The following TMEM132D variants were observed in gnomAD, a reference collection of about 807,000 sequenced individuals.
TMEM132D encodes transmembrane protein 132D.
A neutral mutation model predicts 62.3 loss-of-function variants in TMEM132D; 21 were observed. That is an observed-to-expected ratio of 0.34 (90% CI 0.24 to 0.49). The LOEUF (loss-of-function observed/expected upper bound fraction) is 0.49, where lower values mean the gene tolerates loss of function less well. Among genes scored for constraint, TMEM132D ranks in the 20% least tolerant of loss-of-function variants. The pLI is 0.99. For missense variants in TMEM132D, 1,346 were observed against 1,402.8 expected, an observed-to-expected ratio of 0.96 and a Z score of 0.65; for synonymous variants, 621 against 575.6, an observed-to-expected ratio of 1.08 and a Z score of -1.13.
At chr12:129,585,037 T>A (rs1565912923) in intron 2 of TMEM132D, among the ~76,000 whole-genome samples, 1 of 152,116 alleles carries the variant, frequency 6.6e-6, no homozygotes, top group Non-Finnish European at 1.5e-5. Context: ...ATCACTGAGG[T>A]ATGGATTTGA....
At chr12:129,084,151 C>T (rs993798502) in intron 6 of TMEM132D, among the ~76,000 whole-genome samples, 11 of 152,110 alleles carry the variant, frequency 7.2e-5, no homozygotes, top group African/African-American at 2.4e-4. Flanking sequence ...GTGGGGAGTC[C>T]AGCCAGCCAC....
chr12:129,691,921 G>A (rs1013676308), intron 2 of TMEM132D, among the ~76,000 whole-genome samples: 4 of 151,824 alleles, frequency 2.6e-5, no homozygotes, highest in East Asian at 1.9e-4. Context: ...AAAGAAATAC[G>A]TAGCATGAAT....
chr12:129,275,301 A>G (rs938825214), intron 4 of TMEM132D, among the ~76,000 whole-genome samples: 2 of 152,120 alleles, frequency 1.3e-5, no homozygotes, highest in Non-Finnish European at 2.9e-5. Context: ...AAAATAAAAT[A>G]AAATAATAAT....
chr12:129,815,553 A>G (rs1872320824), intron 1 of TMEM132D, among the ~76,000 whole-genome samples: 2 of 152,206 alleles, frequency 1.3e-5, no homozygotes, highest in African/African-American at 4.8e-5. Flanking sequence ...CTAGAACACC[A>G]TCTAGCCGAT....
chr12:129,641,047 T>G (rs1210307500), intron 2 of TMEM132D, among the ~76,000 whole-genome samples: 3 of 152,188 alleles, frequency 2.0e-5, no homozygotes, highest in Non-Finnish European at 4.4e-5. Context: ...GTGAGTTGTA[T>G]AATTATTTCA....
chr12:129,744,741 C>T (rs530013763), intron 1 of TMEM132D, among the ~76,000 whole-genome samples: 30 of 152,166 alleles, frequency 2.0e-4, no homozygotes, highest in Admixed American at 1.5e-3. Flanking sequence ...CCTGAGCAAA[C>T]GCAAATGAGT....
rs117292494 is a variant in TMEM132D at position 129,453,501 on chromosome 12, T to C, written c.1115+77558A>G. ...GCTACAAATGATGGAAACCTCACACTCTCTGAAGTCAAAAAAGTAATTTAT... is the reference window on the plus strand; with the variant it reads ...GCTACAAATGATGGAAACCTCACACCCTCTGAAGTCAAAAAAGTAATTTAT... On this transcript the variant is annotated intron_variant, in intron 3 of 8. Coordinates refer to ENST00000422113, the MANE Select transcript of TMEM132D (RefSeq NM_133448.3). Among the ~76,000 whole-genome samples, 1,516 of 152,294 alleles carry C rather than the reference T, an allele frequency of 1.0e-2. 15 individuals are homozygous for C. The highest frequency in any genetic ancestry group is 0.019 in the Admixed American group (286 of 15,298).
Position 129,903,906 on chromosome 12 carries a change from C to A in TMEM132D, c.-567G>T, listed in dbSNP as rs867669682. On this transcript the variant is annotated 5_prime_UTR_variant, in exon 1 of 9. Transcript: ENST00000422113. This position sits in a 1 kb window ranked among gnomAD's most constrained non-coding sequence, Gnocchi z 6.2. ...CGGCCGCTGCGCCTCGGGGCTCGGG[C>A]GCGCGCGCGCTCCGGCACCCAAAGT... is the stretch of plus-strand genomic sequence containing the variant. Among the ~76,000 whole-genome samples, 1,335 of 147,016 alleles carry A rather than the reference C, an allele frequency of 9.1e-3. 14 individuals carry two copies. The highest frequency in any genetic ancestry group is 0.031 in the African/African-American group (1,261 of 40,982).
At chr12:129,802,760 C>T (rs1236603954) in intron 1 of TMEM132D, among the ~76,000 whole-genome samples, 1 of 151,456 alleles carries the variant, frequency 6.6e-6, no homozygotes, top group Non-Finnish European at 1.5e-5. Context: ...GATAAAGAGT[C>T]AAGACCCATC....
chr12:129,685,936 T>C (rs932701800), intron 2 of TMEM132D, among the ~76,000 whole-genome samples: 5 of 152,206 alleles, frequency 3.3e-5, no homozygotes, highest in African/African-American at 1.2e-4. Flanking sequence ...GTAGCTCCTT[T>C]GTTTTGACCA....
chr12:129,075,152 TGCTACAAGAACAAAG>T, intron 8 of TMEM132D, 93 bp from the exon 9 acceptor site: 4 of 988,982 alleles, frequency 4.0e-6, no homozygotes, highest in Non-Finnish European at 5.9e-6. Context: ...GCAAAACTAT[TGCTACAAGAACAAAG>T]ACAAACCTTT....
rs146060173 is a variant in TMEM132D, at chr12:129,386,949, C to T, written c.1116-49132G>A. Among the ~76,000 whole-genome samples, 3 of 152,142 alleles carry T rather than the reference C, an allele frequency of 2.0e-5. No homozygotes were observed. In the East Asian group the frequency reaches 5.8e-4, roughly 29 times the overall value. ...ACCAATGCCGATGCCAACACTATCA[C>T]TAACACCAACACCAAAACCACCAAT... is the stretch of plus-strand genomic sequence containing the variant. On this transcript the variant is annotated intron_variant, in intron 3 of 8. Transcript: ENST00000422113.
At chr12:129,650,173 TTA>T (rs1458047642) in intron 2 of TMEM132D, among the ~76,000 whole-genome samples, 2 of 152,206 alleles carry the variant, frequency 1.3e-5, no homozygotes, top group African/African-American at 4.8e-5. Flanking sequence ...ATATCTGATT[TTA>T]TATATAATTG....
At chr12:129,352,542 A>T (rs1354677383) in intron 3 of TMEM132D, among the ~76,000 whole-genome samples, 1 of 152,034 alleles carries the variant, frequency 6.6e-6, no homozygotes, top group Non-Finnish European at 1.5e-5. Context: ...AGAATCTACA[A>T]GGAACTTAAA....
At chr12:129,649,768 GTATA>G (rs1195104418) in intron 2 of TMEM132D, among the ~76,000 whole-genome samples, 3 of 151,928 alleles carry the variant, frequency 2.0e-5, no homozygotes, top group Middle Eastern at 3.4e-3. Context: ...ATATGTATGT[GTATA>G]TGTGTGTATA....
intron 3 of TMEM132D, among the ~76,000 whole-genome samples, chr12:129,341,794 G>A (rs1160714806): frequency 6.6e-6 from 1 of 151,658 alleles, no homozygotes; most frequent in East Asian, 1.9e-4. Flanking sequence ...GACAAACAGA[G>A]AGCCAAATCA....
rs144261702 is a variant in TMEM132D, at chr12:129,672,144, T to C, written c.968+27666A>G. 3.9e-3 allele frequency among the ~76,000 whole-genome samples: 590 copies of C among 152,060 alleles called. 1 individual carries two copies. Among genetic ancestry groups the C allele is most frequent in the Middle Eastern group, 6.8e-3 (2 of 294 alleles). ...AGTCCTGAAGGATGTGAAAGAGAGG[T>C]TGGTAAGCACCAAGCCAGCTTCTCC... On this transcript the variant is annotated intron_variant, in intron 2 of 8. Transcript: ENST00000422113.
intron 2 of TMEM132D, among the ~76,000 whole-genome samples, chr12:129,649,359 C>T (rs1879864377): frequency 6.6e-6 from 1 of 152,062 alleles, no homozygotes; most frequent in African/African-American, 2.4e-5. Flanking sequence ...TATAAAATGC[C>T]TCCACAAGCC....
chr12:129,677,647 C>T (rs1009224184), intron 2 of TMEM132D, among the ~76,000 whole-genome samples: 1 of 152,116 alleles, frequency 6.6e-6, no homozygotes, highest in African/African-American at 2.4e-5. Context: ...CGTATTAGAA[C>T]ATTAACAGAA....
Sources: gnomAD v4.1 joint callset for allele counts (sites outside exome capture counted in the v4.1 genomes callset) on GRCh38, gnomAD v4.1.1 for gene constraint, Gnocchi (gnomAD v3.1) non-coding constraint, MANE v1.5 for transcripts, NCBI Gene and HGNC (gene_info 2026-07-23, HGNC 2026-07-21) for gene names.